The following KALRN variants were observed in gnomAD, a reference collection of about 807,000 sequenced individuals.
The protein encoded by KALRN is kalirin RhoGEF kinase, also known as kalirin.
KALRN carries 70 observed loss-of-function variants against 353.7 expected under a neutral mutation model. The observed-to-expected ratio is 0.20, with a 90% CI of 0.16 to 0.24. The LOEUF (loss-of-function observed/expected upper bound fraction) is 0.24, where lower values mean the gene tolerates loss of function less well. KALRN is among the 10% of genes least tolerant of loss of function. The probability of loss-of-function intolerance (pLI) is 1.00; values close to 1 mark genes in which losing one functional copy is unlikely to be tolerated. For missense variants in KALRN, 2,791 were observed against 3,756.7 expected (o/e 0.74, Z 6.72); for synonymous variants, 1,391 against 1,434.8 (o/e 0.97, Z 0.69).
chr3:124,047,670 T>A (rs372718015), intron 1 of KALRN, among the ~76,000 whole-genome samples: 12,849 of 104,344 alleles, frequency 0.12, 620 homozygotes, highest in South Asian at 0.18. Flanking sequence ...TTTTTTTTTA[T>A]TTTTTTTTAT....
chr3:124,236,238 G>T (rs1367372260), intron 3 of KALRN, among the ~76,000 whole-genome samples: 1 of 152,072 alleles, frequency 6.6e-6, no homozygotes, highest in Non-Finnish European at 1.5e-5. Flanking sequence ...ATCTGAAGAA[G>T]AACTTATAAA....
At chr3:124,459,184 G>A (rs1419289629) in intron 23 of KALRN, among the ~76,000 whole-genome samples, 2 of 152,178 alleles carry the variant, frequency 1.3e-5, no homozygotes, top group South Asian at 2.1e-4. Flanking sequence ...TCAAAAGGAA[G>A]AAAGAGGTGC....
At chr3:124,569,566 A>G (rs900848508) in intron 34 of KALRN, among the ~76,000 whole-genome samples, 1 of 152,240 alleles carries the variant, frequency 6.6e-6, no homozygotes, top group Non-Finnish European at 1.5e-5. Flanking sequence ...ATTAGGTAAT[A>G]TGCTCAAAGT....
At chr3:124,651,001 G>T (rs551702302) in intron 38 of KALRN, 63 bp downstream of exon 38, 2 of 1,592,438 alleles carry the variant, frequency 1.3e-6, no homozygotes, top group East Asian at 2.2e-5. Flanking sequence ...AATGGACAAA[G>T]GTTGGGGAAA....
intron 1 of KALRN, among the ~76,000 whole-genome samples, chr3:124,168,002 C>A (rs544001187): frequency 1.1e-4 from 16 of 152,252 alleles, no homozygotes; most frequent in Admixed American, 3.3e-4. Context: ...CTGCTAAGGA[C>A]CCACCCATCT....
At position 124,724,772 on chromosome 3, in the gene KALRN, A is replaced by C. The variant is rs143314861; in HGVS notation, c.*5302A>C. 7.9e-5 allele frequency: 12 copies of C among 152,358 alleles called. No homozygotes were observed. The highest frequency in any genetic ancestry group is 2.9e-4 in the African/African-American group (12 of 41,584). 9.4% of individuals were successfully genotyped at this position (152,358 alleles called of 1,614,324 possible). On this transcript the variant is annotated 3_prime_UTR_variant, in exon 60 of 60. Coordinates refer to ENST00000682506, the MANE Select transcript of KALRN (RefSeq NM_001388419.1). ...TGAAAGGCATTTCTTCCTCATCTTC[A>C]ATAAATATGAAGAAGTTAGAGGAGA... is the stretch of plus-strand genomic sequence containing the variant.
chr3:124,660,133 A>G (rs1285189039), intron 43 of KALRN, among the ~76,000 whole-genome samples: 3 of 152,026 alleles, frequency 2.0e-5, no homozygotes, highest in East Asian at 3.9e-4. Context: ...CGGTCTCACT[A>G]TGTTGCTCAG....
intron 13 of KALRN, among the ~76,000 whole-genome samples, chr3:124,409,894 G>T (rs140338162): frequency 6.6e-6 from 1 of 152,032 alleles, no homozygotes; most frequent in African/African-American, 2.4e-5. Flanking sequence ...ATCAGTGCCT[G>T]GGGGAGAGAA....
chr3:124,352,905 C>T (rs543795685), intron 10 of KALRN, among the ~76,000 whole-genome samples: 1 of 152,154 alleles, frequency 6.6e-6, no homozygotes, highest in Non-Finnish European at 1.5e-5. Flanking sequence ...AGGAGAAATA[C>T]CTAATATAAA....
At chr3:124,453,694 C>A (rs767331018) in intron 21 of KALRN, among the ~76,000 whole-genome samples, 3 of 152,206 alleles carry the variant, frequency 2.0e-5, no homozygotes, top group South Asian at 2.1e-4. Flanking sequence ...ATGTTCTTTC[C>A]TTTCCCTGAG....
Position 124,352,693 on chromosome 3 carries a change from C to A in KALRN, c.1770+5428C>A, listed in dbSNP as rs2082958761. The stretch of plus-strand genomic sequence containing the variant: ...TTTTTTGTTTTGTTTTTTTTTTTAT[C>A]AAACTTGAACACACTTTAAAAAAAT... On this transcript the variant is annotated intron_variant, in intron 10 of 59. Transcript: ENST00000682506. 2.0e-5 allele frequency among the ~76,000 whole-genome samples: 3 copies of A among 147,380 alleles called. 1 individual carries two copies. Among genetic ancestry groups the A allele is most frequent in the Admixed American group, 2.0e-4 (3 of 14,792 alleles).
Position 124,632,515 on chromosome 3 carries a change from C to T in KALRN, c.5278C>T (p.Pro1760Ser). 6.2e-7 allele frequency: 1 copy of T among 1,614,208 alleles called. No homozygotes were observed. The highest frequency in any genetic ancestry group is 8.5e-7 in the Non-Finnish European group (1 of 1,180,038). Residue 1760 changes from proline (P) to serine (S), a missense_variant, in exon 35 of 60, where the codon CCG becomes TCG. Physicochemically the swap from Pro to Ser is moderately conservative, Grantham distance 74. Around this residue, in one of 11 missense-constraint regions of KALRN, gnomAD observed 1,065 missense variants for 1,156.4 expected, o/e 0.92. Transcript: ENST00000682506. ...CTCCCTGAACTCCATCCACAGTTCC[C>T]CGGGTCCCAAGCGCTCCACCAACAC... ...QPSLNSIHSS[P>S]GPKRSTNTLK...
chr3:124,191,465 C>A (rs2074912588), intron 1 of KALRN, among the ~76,000 whole-genome samples: 1 of 151,852 alleles, frequency 6.6e-6, no homozygotes, highest in South Asian at 2.1e-4. Flanking sequence ...TTGAGAGATT[C>A]CAAAGGTTTT....
At chr3:124,685,012 C>T (rs898198674) in intron 51 of KALRN, among the ~76,000 whole-genome samples, 2 of 152,146 alleles carry the variant, frequency 1.3e-5, no homozygotes, top group South Asian at 2.1e-4. Context: ...CCCGGCCAGA[C>T]GGATTGAAGG....
intron 5 of KALRN, among the ~76,000 whole-genome samples, chr3:124,284,992 G>T (rs976108297): frequency 3.3e-5 from 5 of 152,138 alleles, no homozygotes; most frequent in Non-Finnish European, 7.4e-5. Flanking sequence ...GCTGCCAGTT[G>T]TAACAGAGCA....
intron 5 of KALRN, among the ~76,000 whole-genome samples, chr3:124,286,586 C>A (rs2075933668): frequency 6.6e-6 from 1 of 152,120 alleles, no homozygotes; most frequent in South Asian, 2.1e-4. Flanking sequence ...TTTTCAAGTT[C>A]ATTCATCCTG....
chr3:124,303,333 T>G (rs896630548), intron 6 of KALRN, among the ~76,000 whole-genome samples: 1 of 152,210 alleles, frequency 6.6e-6, no homozygotes, highest in African/African-American at 2.4e-5. Context: ...CTAAACCCAG[T>G]AGGAAAATTT....
At chr3:124,418,596 T>A (rs982949502) in intron 14 of KALRN, among the ~76,000 whole-genome samples, 2 of 152,220 alleles carry the variant, frequency 1.3e-5, no homozygotes, top group African/African-American at 4.8e-5. Flanking sequence ...GTTACAAGTA[T>A]GGGCAGCATA....
chr3:124,604,242 C>T (rs187723047), intron 34 of KALRN, among the ~76,000 whole-genome samples: 70 of 152,120 alleles, frequency 4.6e-4, no homozygotes, highest in East Asian at 2.1e-3. Flanking sequence ...TGCTGATGCG[C>T]GCACCCACTA....
Sources: allele counts gnomAD v4.1 joint callset (sites outside exome capture counted in the v4.1 genomes callset), GRCh38; gene constraint gnomAD v4.1.1; regional missense constraint gnomAD v4.1.1; transcripts MANE v1.5; gene names NCBI Gene and HGNC (gene_info 2026-07-23, HGNC 2026-07-21).